Variants in BTBD2 observed in about 807,000 individuals in gnomAD.
BTBD2 encodes the protein BTB/POZ domain-containing protein 2.
Under a neutral mutation model 44.0 loss-of-function variants are expected in BTBD2, and 15 were observed. That is an observed-to-expected ratio of 0.34 (90% CI 0.23 to 0.53). The LOEUF (loss-of-function observed/expected upper bound fraction) is 0.53, where lower values mean the gene tolerates loss of function less well. Ranked by LOEUF, BTBD2 falls within the 20% of genes least tolerant of loss-of-function variation. The pLI is 0.95. For synonymous variants in BTBD2, 443 were observed against 335.9 expected, an observed-to-expected ratio of 1.32 and a Z score of -3.49; for missense variants, 657 against 746.4, an observed-to-expected ratio of 0.88 and a Z score of 1.39.
Position 1,987,548 on chromosome 19 carries a change from T to C in BTBD2, c.1133A>G (p.Gln378Arg), listed in dbSNP as rs2016108347. The C allele has an allele frequency of 6.2e-7, 1 of 1,609,996 alleles. No individual in the cohort carries two copies. The highest frequency in any genetic ancestry group is 8.5e-7 in the Non-Finnish European group (1 of 1,178,602). Residue 378 changes from glutamine (Q) to arginine (R), a missense_variant, in exon 6 of 9, where the codon CAG (glutamine) becomes CGG (arginine). By Grantham distance (43) the Gln-to-Arg change is conservative (BLOSUM62 1). Coordinates refer to ENST00000255608, the MANE Select transcript of BTBD2 (RefSeq NM_017797.4). The part of the protein sequence containing the change: ...RGKECSINRF[Q>R]QVESRWGYSG... ...GTAGCCCCAGCGACTCTCCACCTGC[T>C]GGAAGCGGTTGATGCTGCACTCCTT... is the stretch of plus-strand genomic sequence containing the variant.
At chr19:2,012,953 A>G (rs1399125621) in intron 1 of BTBD2, among the ~76,000 whole-genome samples, 4 of 152,022 alleles carry the variant, frequency 2.6e-5, no homozygotes, top group Non-Finnish European at 5.9e-5. Context: ...CTCCCCAAAG[A>G]GCACAAAGAC....
chr19:2,012,812 A>G (rs1184509811), intron 1 of BTBD2, among the ~76,000 whole-genome samples: 3 of 152,142 alleles, frequency 2.0e-5, no homozygotes, highest in Non-Finnish European at 2.9e-5. Flanking sequence ...CGGTCCCTCA[A>G]GTGCAATCGC....
At chr19:2,006,528 A>AAAAAG (rs1568221825) in intron 1 of BTBD2, among the ~76,000 whole-genome samples, 11 of 150,676 alleles carry the variant, frequency 7.3e-5, no homozygotes, top group African/African-American at 2.2e-4. Flanking sequence ...AAAAGAAAAG[A>AAAAAG]AAAATCACCC....
At chr19:2,001,895 T>G (rs1401102580) in intron 1 of BTBD2, among the ~76,000 whole-genome samples, 1 of 151,640 alleles carries the variant, frequency 6.6e-6, no homozygotes, top group African/African-American at 2.4e-5. Flanking sequence ...AGCACCACCA[T>G]GCCTGGCTAA....
rs182385856 is a variant in BTBD2 at position 1,993,267 on chromosome 19, G to A, written c.528-91C>T. 2,592 of 1,450,814 alleles carry A rather than the reference G, an allele frequency of 1.8e-3. 4 individuals carry two copies. The highest frequency in any genetic ancestry group is 1.8e-3 in the Non-Finnish European group (2,021 of 1,099,052). The allele number at this position is 1,450,814 out of a possible 1,614,324, so 89.9% of individuals were successfully genotyped here. A position where few individuals can be genotyped will look rare whatever the true frequency, so the allele number is the denominator to read the frequency against. ...GGGGACCACTCAGACCGTTAGACTC[G>A]GCCACCGGCCCTTGAGCTGGCAGGA... On this transcript the variant is annotated intron_variant, in intron 2 of 8. Coordinates refer to ENST00000255608, the MANE Select transcript of BTBD2 (RefSeq NM_017797.4).
chr19:1,989,874 TC>T (rs1229038344), intron 5 of BTBD2, 129 bp downstream of exon 5: 1 of 1,084,186 alleles, frequency 9.2e-7, no homozygotes, highest in African/African-American at 1.6e-5. Context: ...CCAGGTTTCT[TC>T]CTATCTGTAT....
chr19:2,012,409 C>T (rs2016478284), intron 1 of BTBD2, among the ~76,000 whole-genome samples: 1 of 152,138 alleles, frequency 6.6e-6, no homozygotes, highest in Admixed American at 6.5e-5. Flanking sequence ...CTCGGCCTCC[C>T]AAAGTGCTGG....
At chr19:1,991,540 C>T (rs182080514) in intron 3 of BTBD2, among the ~76,000 whole-genome samples, 88 of 152,326 alleles carry the variant, frequency 5.8e-4, no homozygotes, top group Non-Finnish European at 1.0e-3. Context: ...GCAGAGGCCT[C>T]TCCAGCAAGG....
At chr19:2,002,378 T>G (rs2016340385) in intron 1 of BTBD2, among the ~76,000 whole-genome samples, 1 of 152,234 alleles carries the variant, frequency 6.6e-6, no homozygotes, top group Non-Finnish European at 1.5e-5. Flanking sequence ...TAACTGTATT[T>G]CTCGAAGTTC....
Position 1,986,390 on chromosome 19 carries a change from G to A in BTBD2, c.*98C>T. 6.8e-7 allele frequency: 1 copy of A among 1,460,132 alleles called. No individual in the cohort carries two copies. The highest frequency in any genetic ancestry group is 9.5e-7 in the Non-Finnish European group (1 of 1,057,232). The allele number at this position is 1,460,132 out of a possible 1,614,324, so 90.4% of individuals were successfully genotyped here. ...GTGGACAGACGGCCTGGGGGACACTGGGCCTGGCACCGCGTGGTGGGGGGG... is the reference window on the plus strand; with the variant it reads ...GTGGACAGACGGCCTGGGGGACACTAGGCCTGGCACCGCGTGGTGGGGGGG... On this transcript the variant is annotated 3_prime_UTR_variant, in exon 9 of 9. Coordinates refer to ENST00000255608, the MANE Select transcript of BTBD2 (RefSeq NM_017797.4).
At chr19:2,014,906 C>T (rs2016513237) in intron 1 of BTBD2, among the ~76,000 whole-genome samples, 1 of 151,002 alleles carries the variant, frequency 6.6e-6, no homozygotes. Context: ...GGTGCAGAGG[C>T]CCAGAGTGCA....
intron 1 of BTBD2, among the ~76,000 whole-genome samples, chr19:2,011,903 G>A (rs933790560): frequency 2.0e-5 from 3 of 151,796 alleles, no homozygotes; most frequent in African/African-American, 7.3e-5. Context: ...CGCCCAGGCT[G>A]GAGTGCAGTA....
At chr19:1,998,081 T>C (rs1444729353) in intron 1 of BTBD2, among the ~76,000 whole-genome samples, 1 of 106,298 alleles carries the variant, frequency 9.4e-6, no homozygotes, top group Non-Finnish European at 2.0e-5. Flanking sequence ...GCACACTCAT[T>C]CACTCACCCA....
intron 5 of BTBD2, chr19:1,989,652 C>T (rs1359943149): frequency 6.1e-6 from 2 of 326,882 alleles, no homozygotes; most frequent in Admixed American, 9.1e-5. Flanking sequence ...ACAGCCACCC[C>T]GGCCATGTCA....
At chr19:1,999,446 G>A (rs1170573579) in intron 1 of BTBD2, among the ~76,000 whole-genome samples, 2 of 152,188 alleles carry the variant, frequency 1.3e-5, no homozygotes, top group African/African-American at 4.8e-5. Flanking sequence ...CGGGAGGATC[G>A]CTTGAGCCCA....
chr19:2,004,280 A>G (rs1262669411), intron 1 of BTBD2, among the ~76,000 whole-genome samples: 1 of 141,420 alleles, frequency 7.1e-6, no homozygotes, highest in Non-Finnish European at 1.5e-5. Flanking sequence ...TAATGTTGGC[A>G]AAACAAACTT....
At chr19:2,013,457 G>A (rs973639961) in intron 1 of BTBD2, 1 of 960,068 alleles carries the variant, frequency 1.0e-6, no homozygotes, top group Non-Finnish European at 1.2e-6. Flanking sequence ...GCCCGGAGAT[G>A]GGAGTCTGGG....
intron 4 of BTBD2, 46 bp from the exon 5 acceptor site, chr19:1,990,247 C>T: frequency 1.9e-6 from 3 of 1,546,428 alleles, no homozygotes; most frequent in Non-Finnish European, 2.6e-6. Flanking sequence ...ACCCACATGC[C>T]CACCCTGCAG....
At chr19:2,012,145 C>T (rs923911405) in intron 1 of BTBD2, among the ~76,000 whole-genome samples, 26 of 148,708 alleles carry the variant, frequency 1.7e-4, no homozygotes, top group African/African-American at 5.0e-4. Flanking sequence ...TGAGCCACCG[C>T]GCCCAGCCTG....
Sources: allele counts gnomAD v4.1 joint callset (sites outside exome capture counted in the v4.1 genomes callset), GRCh38; gene constraint gnomAD v4.1.1; transcripts MANE v1.5; gene names NCBI Gene and HGNC (gene_info 2026-07-23, HGNC 2026-07-21).